Variants in DIP2C observed in about 807,000 individuals in gnomAD.
DIP2C encodes the protein DIP2 acetate--CoA ligase C (putative).
In DIP2C, 33 loss-of-function variants were observed where a neutral mutation model predicts 192.4. The ratio of observed to expected loss-of-function variants is 0.17; its 90% CI spans 0.13 to 0.23. The LOEUF (loss-of-function observed/expected upper bound fraction) is 0.23. Among genes scored for constraint, DIP2C ranks in the 10% least tolerant of loss-of-function variants. The pLI is 1.00. For synonymous variants in DIP2C, 979 were observed against 864.1 expected (o/e 1.13, Z -2.33); for missense variants, 1,537 against 2,110.1 (o/e 0.73, Z 5.32).
intron 1 of DIP2C, among the ~76,000 whole-genome samples, chr10:579,159 T>C (rs1191843713): frequency 6.6e-6 from 1 of 151,644 alleles, no homozygotes; most frequent in Non-Finnish European, 1.5e-5. Context: ...TACACCCAGA[T>C]ACAGTGTACA....
intron 1 of DIP2C, among the ~76,000 whole-genome samples, chr10:581,757 AC>A (rs1436259770): frequency 6.6e-6 from 1 of 152,070 alleles, no homozygotes; most frequent in Non-Finnish European, 1.5e-5. Flanking sequence ...CCCAGGCCCT[AC>A]TGGAGATGAA....
rs76036130 is a variant in DIP2C at position 371,438 on chromosome 10, C to T, written c.1992-1805G>A. Among the ~76,000 whole-genome samples, 787 of 152,266 alleles carry T rather than the reference C, an allele frequency of 5.2e-3. 3 individuals are homozygous for T. The highest frequency in any genetic ancestry group is 0.014 in the Middle Eastern group (4 of 294). On this transcript the variant is annotated intron_variant, in intron 17 of 36. Transcript: ENST00000280886. Reference sequence around the variant, plus strand: ...ACCGTAAGCCAGGGCCATCTTATGACCAGGTTAAGATGAGGTCATACTGGG... The same window carrying T: ...ACCGTAAGCCAGGGCCATCTTATGATCAGGTTAAGATGAGGTCATACTGGG...
intron 12 of DIP2C, 32 bp downstream of exon 12, chr10:390,232 A>G: frequency 6.2e-7 from 1 of 1,602,606 alleles, no homozygotes; most frequent in Non-Finnish European, 8.5e-7. Context: ...GGCCACACTC[A>G]GGGCCAGTGG....
chr10:670,320 A>G (rs758383963), intron 1 of DIP2C, among the ~76,000 whole-genome samples: 2 of 152,134 alleles, frequency 1.3e-5, no homozygotes, highest in Non-Finnish European at 2.9e-5. Context: ...ACATGCATAT[A>G]CACATGCACA....
chr10:395,015 G>A (rs2132985600), intron 10 of DIP2C, among the ~76,000 whole-genome samples: 1 of 151,472 alleles, frequency 6.6e-6, no homozygotes, highest in Middle Eastern at 3.4e-3. Flanking sequence ...CCGGAAATAA[G>A]CCAGGCACAG....
chr10:671,288 G>C (rs1026956402), intron 1 of DIP2C, among the ~76,000 whole-genome samples: 1 of 152,248 alleles, frequency 6.6e-6, no homozygotes, highest in Admixed American at 6.5e-5. Flanking sequence ...CTCACAGACA[G>C]AGGAAACACC....
rs35603516 is a variant in DIP2C at position 414,853 on chromosome 10, TG to T, written c.860-744del. Among the ~76,000 whole-genome samples the T allele has an allele frequency of 9.0e-4, 30 of 33,506 alleles. No homozygotes were observed. The South Asian group carries it at 0.011, about 13-fold the overall frequency. 22.0% of individuals were successfully genotyped at this position (33,506 alleles called of 152,430 possible). A position where few individuals can be genotyped will look rare whatever the true frequency, so the allele number is the denominator to read the frequency against. ...ATATATATACACACACATATATATTTGTGTGTGTGTGTGTGTGTGTGTGTGT... is the reference window on the plus strand; with the variant it reads ...ATATATATACACACACATATATATTTTGTGTGTGTGTGTGTGTGTGTGTGT... On this transcript the variant is annotated intron_variant, in intron 7 of 36. Transcript: ENST00000280886.
At chr10:552,303 A>C (rs558881858) in intron 1 of DIP2C, among the ~76,000 whole-genome samples, 1 of 152,342 alleles carries the variant, frequency 6.6e-6, no homozygotes, top group South Asian at 2.1e-4. Flanking sequence ...CTAAAATGTT[A>C]ATAGGGTCTA....
intron 1 of DIP2C, among the ~76,000 whole-genome samples, chr10:619,482 G>A (rs1001265750): frequency 1.3e-5 from 2 of 151,808 alleles, no homozygotes; most frequent in African/African-American, 2.4e-5. Flanking sequence ...TCAACAGGAA[G>A]ACGCAGAATA....
chr10:681,817 G>A (rs375460334), intron 1 of DIP2C, among the ~76,000 whole-genome samples: 1 of 152,242 alleles, frequency 6.6e-6, no homozygotes, highest in East Asian at 1.9e-4. Flanking sequence ...CCCCAGGAAC[G>A]CCTTCCTCCT....
intron 1 of DIP2C, among the ~76,000 whole-genome samples, chr10:637,792 G>A (rs1263302662): frequency 6.6e-6 from 1 of 152,200 alleles, no homozygotes; most frequent in Non-Finnish European, 1.5e-5. Context: ...TCTCCCAAAA[G>A]GGCAAGCAAT....
chr10:351,603 T>TA (rs1323952872), intron 24 of DIP2C, among the ~76,000 whole-genome samples: 1 of 152,120 alleles, frequency 6.6e-6, no homozygotes, highest in East Asian at 1.9e-4. Flanking sequence ...AGAGGACACC[T>TA]AAAAAATTAG....
chr10:510,078 G>A (rs972056043), intron 1 of DIP2C, among the ~76,000 whole-genome samples: 2 of 152,194 alleles, frequency 1.3e-5, no homozygotes, highest in East Asian at 1.9e-4. Flanking sequence ...CAGTGACATC[G>A]AACGGAGGGA....
At chr10:602,602 C>A (rs1300350086) in intron 1 of DIP2C, among the ~76,000 whole-genome samples, 1 of 152,226 alleles carries the variant, frequency 6.6e-6, no homozygotes, top group African/African-American at 2.4e-5. Flanking sequence ...GGCACCAGAT[C>A]TGCAGGCACC....
chr10:425,749 G>C (rs1432722724), intron 4 of DIP2C, among the ~76,000 whole-genome samples: 2 of 152,228 alleles, frequency 1.3e-5, no homozygotes, highest in Non-Finnish European at 2.9e-5. Flanking sequence ...GTGAATTAAT[G>C]TCATACACCA....
chr10:338,908 CCCA>C (rs1958008120), intron 29 of DIP2C, among the ~76,000 whole-genome samples: 1 of 148,208 alleles, frequency 6.7e-6, no homozygotes, highest in Non-Finnish European at 1.5e-5. Context: ...GCTCCCACAG[CCCA>C]CGCCACCTGC....
chr10:622,698 G>A (rs897932231), intron 1 of DIP2C, among the ~76,000 whole-genome samples: 1 of 152,164 alleles, frequency 6.6e-6, no homozygotes, highest in East Asian at 1.9e-4. Context: ...ATGACGTGTA[G>A]GATACCCCTT....
chr10:366,483 C>T (rs147525150), intron 18 of DIP2C, 72 bp from the exon 19 acceptor site: 70 of 1,599,474 alleles, frequency 4.4e-5, no homozygotes, highest in African/African-American at 8.0e-5. Context: ...ACAGGGAAGA[C>T]GCGAATATGA....
At chr10:663,487 A>C (rs1471040589) in intron 1 of DIP2C, 1 of 152,310 alleles carries the variant, frequency 6.6e-6, no homozygotes, top group South Asian at 2.1e-4. Context: ...GAAATTCCAC[A>C]GCCCTGCATC....
Sources: allele counts gnomAD v4.1 joint callset (sites outside exome capture counted in the v4.1 genomes callset), GRCh38; gene constraint gnomAD v4.1.1; transcripts MANE v1.5; gene names NCBI Gene and HGNC (gene_info 2026-07-23, HGNC 2026-07-21).